Variants in LPA observed in about 807,000 individuals in gnomAD.
LPA encodes the protein lipoprotein(a), also known as apolipoprotein(a).
LPA carries 199 observed loss-of-function variants against 197.9 expected under a neutral mutation model. That is an observed-to-expected ratio of 1.01 (90% CI 0.90 to 1.13). The LOEUF is 1.13. Ranked by LOEUF, LPA falls within the 50% of genes most tolerant of loss-of-function variation. The probability of loss-of-function intolerance (pLI) is 0.00; values close to 1 mark genes in which losing one functional copy is unlikely to be tolerated. For missense variants in LPA, 1,853 were observed against 1,785.8 expected (o/e 1.04, Z -0.68); for synonymous variants, 715 against 639.5 (o/e 1.12, Z -1.78).
chr6:160,606,737 C>A (rs1779363008), intron 16 of LPA, 79 bp from the exon 17 acceptor site: 6 of 1,555,162 alleles, frequency 3.9e-6, no homozygotes, highest in South Asian at 1.1e-5. Context: ...CTTTGTGCTG[C>A]AACAAGGTCA....
chr6:160,634,825 G>A (rs540174172), intron 7 of LPA, among the ~76,000 whole-genome samples: 9 of 150,360 alleles, frequency 6.0e-5, no homozygotes, highest in Admixed American at 2.0e-4. Context: ...CTGACAGCAC[G>A]TTACAATAAA....
chr6:160,604,994 C>G (rs1355246998), intron 18 of LPA, 52 bp downstream of exon 18: 2 of 1,609,848 alleles, frequency 1.2e-6, no homozygotes, highest in Middle Eastern at 2.1e-4. Context: ...ACTCTACTAA[C>G]AGAAATTTCC....
chr6:160,540,075 T>G lies in LPA; in HGVS notation c.5703A>C (p.Thr1901=). 1 of 1,614,122 alleles carries G rather than the reference T, an allele frequency of 6.2e-7. No individual in the cohort carries two copies. Among genetic ancestry groups the G allele is most frequent in the Non-Finnish European group, 8.5e-7 (1 of 1,180,038 alleles). The change falls in exon 36 of 39, where the codon ACA becomes ACC. Residue 1901 remains threonine, a synonymous_variant. Coordinates refer to ENST00000316300, the MANE Select transcript of LPA (RefSeq NM_005577.4). ...GCTTTAGCAAGGCAATATCTGCTTGTGTGGGCTCCAAGAACAGCCTAGACA... is the reference window on the plus strand; with the variant it reads ...GCTTTAGCAAGGCAATATCTGCTTGGGTGGGCTCCAAGAACAGCCTAGACA... ...IEVSRLFLEP[T]QADIALLKLS...
Position 160,604,680 on chromosome 6 carries a change from C to T in LPA, c.2945+366G>A, listed in dbSNP as rs41270986. Reference sequence around the variant, plus strand: ...GCCAAAACAGAAAACCCCAACAGAACCTTCACTTCAGGAATTGGAGTTTAG... The same window carrying T: ...GCCAAAACAGAAAACCCCAACAGAATCTTCACTTCAGGAATTGGAGTTTAG... On this transcript the variant is annotated intron_variant, in intron 18 of 38. Coordinates refer to ENST00000316300, the MANE Select transcript of LPA (RefSeq NM_005577.4). Among the ~76,000 whole-genome samples the T allele has an allele frequency of 3.4e-3, 512 of 152,222 alleles. 2 individuals are homozygous for T. The highest frequency in any genetic ancestry group is 0.012 in the African/African-American group (493 of 41,528).
chr6:160,588,514 G>A (rs539040303), intron 24 of LPA, among the ~76,000 whole-genome samples: 1 of 152,270 alleles, frequency 6.6e-6, no homozygotes, highest in African/African-American at 2.4e-5. Flanking sequence ...TGAGCTTACT[G>A]TTCCCCTGCA....
At chr6:160,634,754 G>C (rs1268953476) in intron 7 of LPA, among the ~76,000 whole-genome samples, 4 of 151,692 alleles carry the variant, frequency 2.6e-5, no homozygotes, top group African/African-American at 9.8e-5. Flanking sequence ...AGATTGCACT[G>C]ACTGCTGGCT....
intron 25 of LPA, 128 bp downstream of exon 25, chr6:160,586,321 C>A: frequency 9.2e-7 from 1 of 1,085,566 alleles, no homozygotes; most frequent in Non-Finnish European, 1.4e-6. Flanking sequence ...AGCTTCCTTC[C>A]CATTGGCTGT....
At chr6:160,600,841 G>C (rs7752408) in intron 19 of LPA, 76 bp downstream of exon 19, 554,432 of 1,483,264 alleles carry the variant, frequency 0.37, 105,228 homozygotes, top group African/African-American at 0.49. Flanking sequence ...GCACTGAAGG[G>C]TTGTGCGTCA....
chr6:160,587,913 G>C (rs1778945499), intron 24 of LPA, among the ~76,000 whole-genome samples: 1 of 152,082 alleles, frequency 6.6e-6, no homozygotes, highest in African/African-American at 2.4e-5. Flanking sequence ...GCCATCCAGT[G>C]AGTTCTTCAT....
chr6:160,568,549 T>C (rs1307387045), intron 28 of LPA, among the ~76,000 whole-genome samples: 1 of 152,184 alleles, frequency 6.6e-6, no homozygotes, highest in African/African-American at 2.4e-5. Context: ...GGGCAAAAAC[T>C]GGAAGCATTC....
At chr6:160,576,362 A>ACATATATATATATATATATGTG (rs1778664597) in intron 28 of LPA, among the ~76,000 whole-genome samples, 1 of 35,742 alleles carries the variant, frequency 2.8e-5, no homozygotes, top group Non-Finnish European at 4.3e-5. Flanking sequence ...ATATATATAT[A>ACATATATATATATATATATGTG]TATACATATA....
chr6:160,540,959 A>G, intron 35 of LPA, 148 bp downstream of exon 35: 1 of 710,642 alleles, frequency 1.4e-6, no homozygotes, highest in East Asian at 2.7e-5. Context: ...TTCTGCATGC[A>G]TTCCCTGGTT....
At chr6:160,659,149 G>A (rs1386963308) in intron 1 of LPA, among the ~76,000 whole-genome samples, 2 of 152,244 alleles carry the variant, frequency 1.3e-5, no homozygotes, top group Middle Eastern at 3.4e-3. Context: ...TAGGCTGGGA[G>A]GCTAAGCCAG....
intron 14 of LPA, among the ~76,000 whole-genome samples, chr6:160,615,466 C>A (rs1779581783): frequency 8.6e-6 from 1 of 116,064 alleles, no homozygotes; most frequent in African/African-American, 4.0e-5. Context: ...GCCGGCCATA[C>A]AGTAATTTTT....
chr6:160,554,198 A>G (rs1185373272), intron 30 of LPA, among the ~76,000 whole-genome samples: 1 of 152,144 alleles, frequency 6.6e-6, no homozygotes, highest in Non-Finnish European at 1.5e-5. Context: ...ATCTTTGAAC[A>G]CAATTATCAT....
chr6:160,544,929 G>A (rs758195077), intron 33 of LPA, among the ~76,000 whole-genome samples: 11 of 152,168 alleles, frequency 7.2e-5, no homozygotes, highest in Non-Finnish European at 1.0e-4. Flanking sequence ...CTCATGAGTA[G>A]TAATCTTACG....
chr6:160,659,023 T>C (rs1381417375), intron 1 of LPA, among the ~76,000 whole-genome samples: 1 of 151,888 alleles, frequency 6.6e-6, no homozygotes, highest in African/African-American at 2.4e-5. Context: ...GATTACAAGG[T>C]CCCATAATAG....
chr6:160,550,220 G>GA (rs35220367), intron 30 of LPA, among the ~76,000 whole-genome samples: 22 of 137,952 alleles, frequency 1.6e-4, no homozygotes, highest in South Asian at 2.4e-4. Flanking sequence ...ACTCTGTCAA[G>GA]AAAAAAAAAA....
At position 160,594,086 on chromosome 6, in the gene LPA, A is replaced by C. The variant is rs200553919; in HGVS notation, c.3501T>G (p.Asp1167Glu). The change falls in exon 22 of 39, where the codon GAT (aspartate) becomes GAG (glutamate). Residue 1167 changes from aspartate (D) to glutamate (E), a missense_variant. Coordinates refer to ENST00000316300, the MANE Select transcript of LPA (RefSeq NM_005577.4). ...AACTCTGTCCATCACCATGGTAGCA[A>C]TCCTGGACCCCGGGGCTTTGCTCCG... Reference protein sequence around the residue: ...APTEQSPGVQDCYHGDGQSYR... With the variant: ...APTEQSPGVQECYHGDGQSYR... 6.2e-7 allele frequency: 1 copy of C among 1,613,888 alleles called. No individual in the cohort carries two copies. The highest frequency in any genetic ancestry group is 1.3e-5 in the African/African-American group (1 of 74,998).
Sources: gnomAD v4.1 joint callset for allele counts (sites outside exome capture counted in the v4.1 genomes callset) on GRCh38, gnomAD v4.1.1 for gene constraint, MANE v1.5 for transcripts, NCBI Gene and HGNC (gene_info 2026-07-23, HGNC 2026-07-21) for gene names.